PREX1: variants seen among roughly 807,000 people sequenced by gnomAD.
PREX1 encodes the protein phosphatidylinositol 3,4,5-trisphosphate-dependent Rac exchanger 1 protein.
In PREX1, 41 loss-of-function variants were observed where a neutral mutation model predicts 198.3. That is an observed-to-expected ratio of 0.21 (90% CI 0.16 to 0.27). The LOEUF is 0.27. Among genes scored for constraint, PREX1 ranks in the 10% least tolerant of loss-of-function variants. PREX1 has a pLI of 1.00. For synonymous variants in PREX1, 843 were observed against 887.2 expected, an observed-to-expected ratio of 0.95 and a Z score of 0.89; for missense variants, 1,620 against 2,200.7, an observed-to-expected ratio of 0.74 and a Z score of 5.28.
chr20:48,665,078 G>A (rs1394311561), intron 15 of PREX1, among the ~76,000 whole-genome samples: 10 of 139,858 alleles, frequency 7.2e-5, no homozygotes, highest in Middle Eastern at 4.6e-3. Context: ...ACTCCAGACG[G>A]CCTGAATTCT....
At chr20:48,705,447 C>T (rs1289756733) in intron 6 of PREX1, among the ~76,000 whole-genome samples, 1 of 152,146 alleles carries the variant, frequency 6.6e-6, no homozygotes, top group East Asian at 1.9e-4. Flanking sequence ...TCCTCTTGCT[C>T]CAAAAACAAG....
At chr20:48,882,332 C>T in the PREX1 span, among the ~76,000 whole-genome samples, 6 of 151,650 alleles carry the variant, frequency 4.0e-5, no homozygotes, top group Admixed American at 2.0e-4. Flanking sequence ...GAAACCCCGT[C>T]TCTACTAAAA....
At chr20:48,661,470 C>T (rs183899428) in intron 15 of PREX1, among the ~76,000 whole-genome samples, 7,331 of 71,224 alleles carry the variant, frequency 0.1, 454 homozygotes, top group South Asian at 0.16. Context: ...TATATATATA[C>T]ACACACATAT....
chr20:48,686,065 T>C (rs555300050), intron 10 of PREX1, among the ~76,000 whole-genome samples: 8 of 152,318 alleles, frequency 5.3e-5, no homozygotes, highest in African/African-American at 1.9e-4. Flanking sequence ...CTTTGTGATC[T>C]TGTACAGAAC....
the PREX1 span, among the ~76,000 whole-genome samples, chr20:48,877,424 C>T: frequency 6.6e-6 from 1 of 152,212 alleles, no homozygotes; most frequent in African/African-American, 2.4e-5. Context: ...TTTTTCTGCA[C>T]TCTTTGTGCC....
In PREX1 at chr20:48,768,287, G is replaced by A. The variant is rs550670578; in HGVS notation, c.220-20407C>T. Reference sequence around the variant, plus strand: ...TAAAATTACCAATGTCCATCAACAGGAGAACGGATGAACAAATGGTGGTGT... The same window carrying A: ...TAAAATTACCAATGTCCATCAACAGAAGAACGGATGAACAAATGGTGGTGT... On this transcript the variant is annotated intron_variant, in intron 1 of 39. Coordinates refer to ENST00000371941, the MANE Select transcript of PREX1 (RefSeq NM_020820.4). Among the ~76,000 whole-genome samples, 4 of 152,152 alleles carry A rather than the reference G, an allele frequency of 2.6e-5. No homozygotes were observed. The South Asian group carries it at 8.3e-4, about 32-fold the overall frequency.
chr20:48,657,212 GACGTGCAC>G, intron 17 of PREX1, 24 bp from the exon 18 acceptor site: 3 of 1,611,520 alleles, frequency 1.9e-6, no homozygotes, highest in South Asian at 1.1e-5. Flanking sequence ...GCAGAGGACA[GACGTGCAC>G]ACCAGTTACT....
chr20:48,804,953 G>A (rs1270370971), intron 1 of PREX1, among the ~76,000 whole-genome samples: 1 of 152,178 alleles, frequency 6.6e-6, no homozygotes, highest in African/African-American at 2.4e-5. Context: ...GAGATGTCGG[G>A]TCATCATCTA....
At chr20:48,669,115 C>A (rs2122976598) in intron 14 of PREX1, among the ~76,000 whole-genome samples, 1 of 152,160 alleles carries the variant, frequency 6.6e-6, no homozygotes, top group African/African-American at 2.4e-5. Flanking sequence ...GAGACCCCTG[C>A]AACCTCCCCC....
chr20:48,770,358 C>T (rs935872756), intron 1 of PREX1, among the ~76,000 whole-genome samples: 14 of 152,130 alleles, frequency 9.2e-5, no homozygotes, highest in Admixed American at 2.6e-4. Flanking sequence ...GGCAGCAGGG[C>T]AGGGAAAGCA....
Position 48,767,589 on chromosome 20 carries a change from G to A in PREX1, c.220-19709C>T, listed in dbSNP as rs746541013. Among the ~76,000 whole-genome samples the A allele has an allele frequency of 3.2e-4, 48 of 152,094 alleles. 1 individual carries two copies. Among genetic ancestry groups the A allele is most frequent in the Non-Finnish European group, 1.0e-4 (7 of 68,028 alleles). ...ACCAGAGTGAAATGCCAACGCTTAC[G>A]TTACCATCACTGATGGGGTTCTTAT... On this transcript the variant is annotated intron_variant, in intron 1 of 39. Transcript: ENST00000371941.
chr20:48,839,158 A>G, the PREX1 span, among the ~76,000 whole-genome samples: 1 of 152,054 alleles, frequency 6.6e-6, no homozygotes, highest in South Asian at 2.1e-4. Flanking sequence ...ATTCTTTACT[A>G]CACTGCTTTT....
chr20:48,780,777 C>T (rs2090285793), intron 1 of PREX1, among the ~76,000 whole-genome samples: 1 of 152,112 alleles, frequency 6.6e-6, no homozygotes, highest in African/African-American at 2.4e-5. Context: ...AACTAGTGGG[C>T]AAAGGTTCAA....
intron 33 of PREX1, among the ~76,000 whole-genome samples, chr20:48,633,005 C>T (rs546639609): frequency 2.6e-5 from 4 of 152,354 alleles, no homozygotes; most frequent in African/African-American, 9.6e-5. Context: ...TGTACCCTCA[C>T]CCGGTAGCCC....
chr20:48,778,116 T>C (rs1018800435), intron 1 of PREX1, among the ~76,000 whole-genome samples: 7 of 152,096 alleles, frequency 4.6e-5, no homozygotes, highest in Admixed American at 3.9e-4. Flanking sequence ...CGGATTTCTG[T>C]TTCCCTACAG....
intron 1 of PREX1, among the ~76,000 whole-genome samples, chr20:48,763,071 T>C (rs567198804): frequency 6.6e-6 from 1 of 152,356 alleles, no homozygotes; most frequent in South Asian, 2.1e-4. Flanking sequence ...TCTATGAATA[T>C]ACCGAAAACC....
At chr20:48,821,427 C>T (rs530526564) in intron 1 of PREX1, among the ~76,000 whole-genome samples, 6 of 152,152 alleles carry the variant, frequency 3.9e-5, no homozygotes, top group Non-Finnish European at 7.3e-5. Flanking sequence ...TCAAGATCTC[C>T]GAAACGCAGG....
chr20:48,689,028 G>A (rs2089802089), intron 9 of PREX1, among the ~76,000 whole-genome samples: 1 of 152,210 alleles, frequency 6.6e-6, no homozygotes, highest in Non-Finnish European at 1.5e-5. Context: ...AGATGGCAAA[G>A]TTGAGACCCA....
At chr20:48,689,150 T>C (rs2089802984) in intron 9 of PREX1, among the ~76,000 whole-genome samples, 1 of 152,074 alleles carries the variant, frequency 6.6e-6, no homozygotes, top group African/African-American at 2.4e-5. Flanking sequence ...TGAGGGTGGG[T>C]TTCTAGATTC....
Sources: gnomAD v4.1 joint callset for allele counts (sites outside exome capture counted in the v4.1 genomes callset) on GRCh38, gnomAD v4.1.1 for gene constraint, MANE v1.5 for transcripts, NCBI Gene and HGNC (gene_info 2026-07-23, HGNC 2026-07-21) for gene names.